The following JAML variants were observed in gnomAD, a reference collection of about 807,000 sequenced individuals.
The protein encoded by JAML is junction adhesion molecule like, also known as junctional adhesion molecule-like.
A neutral mutation model predicts 39.3 loss-of-function variants in JAML; 25 were observed. That is an observed-to-expected ratio of 0.64 (90% CI 0.46 to 0.89). The LOEUF is 0.89. Ranked by LOEUF, JAML falls within the 40% of genes least tolerant of loss-of-function variation. The probability of loss-of-function intolerance (pLI) is 0.00; values close to 1 mark genes in which losing one functional copy is unlikely to be tolerated. For missense variants in JAML, 440 were observed against 486.9 expected, an observed-to-expected ratio of 0.90 and a Z score of 0.91; for synonymous variants, 162 against 179.2, an observed-to-expected ratio of 0.90 and a Z score of 0.77.
intron 4 of JAML, among the ~76,000 whole-genome samples, chr11:118,206,885 C>T (rs1948927601): frequency 6.6e-6 from 1 of 152,166 alleles, no homozygotes; most frequent in African/African-American, 2.4e-5. Flanking sequence ...GTTGATTAAG[C>T]AATGAAAGGC....
chr11:118,203,826 C>T, intron 5 of JAML, 161 bp from the exon 6 acceptor site: 1 of 640,918 alleles, frequency 1.6e-6, no homozygotes, highest in Non-Finnish European at 2.8e-6. Context: ...CATGTACACA[C>T]ACATGTGCAT....
intron 9 of JAML, among the ~76,000 whole-genome samples, chr11:118,195,328 C>T (rs1309845088): frequency 6.6e-6 from 1 of 152,174 alleles, no homozygotes; most frequent in Non-Finnish European, 1.5e-5. Context: ...TGATCTCACA[C>T]TTCCCTGGCA....
At chr11:118,203,805 T>A in intron 5 of JAML, 140 bp from the exon 6 acceptor site, 1 of 697,014 alleles carries the variant, frequency 1.4e-6, no homozygotes, top group East Asian at 2.6e-5. Flanking sequence ...AAGCATTAAA[T>A]AACACAAAGT....
rs182877008 is a variant in JAML at position 118,222,375 on chromosome 11, G to A, written c.-21+2566C>T. ...GCTGAGGCTGCAGCGAGTTGTGATC[G>A]CACCACTGCATTCCAACCTGGCGAC... On this transcript the variant is annotated intron_variant, in intron 1 of 9. Transcript: ENST00000356289. This position sits in a 1 kb window ranked among gnomAD's most constrained non-coding sequence, Gnocchi z 4.2. Among the ~76,000 whole-genome samples the A allele has an allele frequency of 6.6e-6, 1 of 151,972 alleles. No homozygotes were observed. Among genetic ancestry groups the A allele is most frequent in the South Asian group, 2.1e-4 (1 of 4,806 alleles).
chr11:118,203,876 G>C, intron 5 of JAML: 1 of 534,546 alleles, frequency 1.9e-6, no homozygotes, highest in South Asian at 2.5e-5. Flanking sequence ...ACCATGAACA[G>C]TTTTTCCATC....
chr11:118,196,711 A>T (rs648947), intron 9 of JAML, 24 bp downstream of exon 9: 1 of 1,592,348 alleles, frequency 6.3e-7, no homozygotes, highest in Non-Finnish European at 8.6e-7. Flanking sequence ...CACCTGGCTC[A>T]GCTGAGGCCA....
At chr11:118,197,929 G>A (rs774553775) in intron 8 of JAML, 69 bp downstream of exon 8, 2 of 1,407,602 alleles carry the variant, frequency 1.4e-6, no homozygotes, top group Non-Finnish European at 1.0e-6. Flanking sequence ...GTAAGATATG[G>A]TTCCCGGGGG....
intron 6 of JAML, 107 bp from the exon 7 acceptor site, chr11:118,200,719 G>T: frequency 7.5e-7 from 1 of 1,338,208 alleles, no homozygotes; most frequent in Non-Finnish European, 1.0e-6. Context: ...AAGCGGAGGG[G>T]AAGGCCAGAC....
intron 3 of JAML, among the ~76,000 whole-genome samples, chr11:118,211,137 G>A (rs1439287129): frequency 3.3e-5 from 5 of 152,200 alleles, no homozygotes; most frequent in Admixed American, 3.3e-4. Context: ...GGCATGGCCG[G>A]CTGGCTGCCA....
intron 8 of JAML, 45 bp from the exon 9 acceptor site, chr11:118,196,866 T>A (rs748562904): frequency 4.0e-6 from 6 of 1,511,238 alleles, no homozygotes; most frequent in African/African-American, 1.4e-5. Context: ...ATTAGATGAA[T>A]CTTATACACC....
chr11:118,209,412 T>G (rs529222135), intron 4 of JAML, among the ~76,000 whole-genome samples: 4 of 152,380 alleles, frequency 2.6e-5, no homozygotes, highest in African/African-American at 9.6e-5. Context: ...CTTCATGTTC[T>G]TTGGAGCTTA....
chr11:118,212,917 T>C (rs149720205), intron 2 of JAML: 6 of 1,614,128 alleles, frequency 3.7e-6, no homozygotes, highest in Admixed American at 1.7e-5. Flanking sequence ...CCACTTACCA[T>C]AACGACGAAA....
intron 3 of JAML, 113 bp from the exon 4 acceptor site, chr11:118,210,825 C>A: frequency 1.2e-6 from 1 of 858,242 alleles, no homozygotes; most frequent in Non-Finnish European, 1.8e-6. Context: ...GATCATGATC[C>A]AAAAGCATTT....
intron 1 of JAML, among the ~76,000 whole-genome samples, chr11:118,217,169 T>C (rs1295724193): frequency 1.3e-5 from 2 of 152,226 alleles, no homozygotes; most frequent in East Asian, 1.9e-4. Flanking sequence ...TAGATGTGTG[T>C]CCTGTTACCG....
In JAML at chr11:118,212,510, A is replaced by G; in HGVS notation, c.95T>C (p.Val32Ala). Residue 32 changes from valine (V) to alanine (A), a missense_variant, in exon 3 of 10, where the codon GTC (valine) becomes GCC (alanine). By Grantham distance (64) the Val-to-Ala change is moderately conservative. Transcript: ENST00000356289. ...CATCAGAGCTGAATCACCCACATGG[A>G]CTGTTAGCTCAGGCGGGGAAACATT... ...DLNVSPPELT[V>A]HVGDSALMGC... is the part of the protein sequence containing the mutation. 6.2e-7 allele frequency: 1 copy of G among 1,614,194 alleles called. No homozygotes were observed.
intron 8 of JAML, 49 bp downstream of exon 8, chr11:118,197,949 G>A: frequency 6.5e-7 from 1 of 1,543,650 alleles, no homozygotes; most frequent in Non-Finnish European, 9.0e-7. Context: ...GTATGAGAAC[G>A]GCCCAGGCCT....
chr11:118,212,132 C>T (rs1949074117), intron 3 of JAML, among the ~76,000 whole-genome samples: 1 of 152,162 alleles, frequency 6.6e-6, no homozygotes, highest in South Asian at 2.1e-4. Flanking sequence ...CCCATCAGCC[C>T]CTTAACTACT....
In JAML at chr11:118,205,940, C is replaced by T; in HGVS notation, c.476G>A (p.Ser159Asn). ...CTTGGTCACGTGTTTCACTTCTGTG[C>T]TCTGGAAAACACATCCCATCTGAAT... ...GLIQMGCVFQ[S>N]TEVKHVTKVE... The change falls in exon 5 of 10, where the codon AGC becomes AAC. Residue 159 changes from serine (S) to asparagine (N), a missense_variant. Physicochemically the swap from Ser to Asn is conservative, Grantham distance 46. Coordinates refer to ENST00000356289, the MANE Select transcript of JAML (RefSeq NM_001098526.2). The T allele has an allele frequency of 6.2e-7, 1 of 1,614,180 alleles. No homozygotes were observed. Among genetic ancestry groups the T allele is most frequent in the Non-Finnish European group, 8.5e-7 (1 of 1,180,010 alleles).
At position 118,203,569 on chromosome 11, in the gene JAML, C is replaced by T. The variant is rs760006666; in HGVS notation, c.631G>A (p.Asp211Asn). Residue 211 changes from aspartate (D) to asparagine (N), a missense_variant, in exon 6 of 10, where the codon GAC (aspartate) becomes AAC (asparagine). By Grantham distance (23) the Asp-to-Asn change is conservative (BLOSUM62 1). Coordinates refer to ENST00000356289, the MANE Select transcript of JAML (RefSeq NM_001098526.2). ...HFQNRVNLVG[D>N]IFRNDGSIML... is the part of the protein sequence containing the mutation. ...ATGGAACCGTCATTGCGGAAAATGT[C>T]CCCCACCAGGTTCACACGATTCTGG... 6.2e-7 allele frequency: 1 copy of T among 1,614,164 alleles called. No homozygotes were observed. The highest frequency in any genetic ancestry group is 1.1e-5 in the South Asian group (1 of 91,078).
Sources: gnomAD v4.1 joint callset for allele counts (sites outside exome capture counted in the v4.1 genomes callset) on GRCh38, gnomAD v4.1.1 for gene constraint, Gnocchi (gnomAD v3.1) non-coding constraint, MANE v1.5 for transcripts, NCBI Gene and HGNC (gene_info 2026-07-23, HGNC 2026-07-21) for gene names.